Variants in TMEM255B observed in about 807,000 individuals in gnomAD.
TMEM255B encodes the protein transmembrane protein 255B.
A neutral mutation model predicts 34.5 loss-of-function variants in TMEM255B; 35 were observed. That is an observed-to-expected ratio of 1.01 (90% CI 0.77 to 1.34). The LOEUF is 1.34. TMEM255B is among the 40% of genes most tolerant of loss of function. TMEM255B has a pLI of 0.00. For synonymous variants in TMEM255B, 206 were observed against 201.2 expected (o/e 1.02, Z -0.20); for missense variants, 432 against 433.2 (o/e 1.00, Z 0.02).
At chr13:113,786,428 G>A (rs936291598) in intron 3 of TMEM255B, among the ~76,000 whole-genome samples, 4 of 150,728 alleles carry the variant, frequency 2.7e-5, no homozygotes, top group Admixed American at 1.3e-4. Context: ...CATCACCCTC[G>A]TCACCATCAT....
In TMEM255B at chr13:113,811,760, C is replaced by G; in HGVS notation, c.838C>G (p.Pro280Ala). 1 of 1,613,832 alleles carries G rather than the reference C, an allele frequency of 6.2e-7. No homozygotes were observed. Among genetic ancestry groups the G allele is most frequent in the Admixed American group, 1.7e-5 (1 of 60,002 alleles). The change falls in exon 9 of 9, where the codon CCC (proline) becomes GCC (alanine). Residue 280 changes from proline to alanine, a missense_variant. Physicochemically the swap from Pro to Ala is conservative, Grantham distance 27 (BLOSUM62 -1). Coordinates refer to ENST00000375353, the MANE Select transcript of TMEM255B (RefSeq NM_182614.4). ...LQPCSRFPVAPSSALASSEDL... is the reference protein window; with the variant it reads ...LQPCSRFPVAASSALASSEDL... ...GCCCTGCAGCCGCTTCCCAGTTGCG[C>G]CCTCCTCTGCCCTGGCTTCGTCTGA...
rs2011118069 is a variant in TMEM255B at position 113,816,731 on chromosome 13, A to ACACGCGC, written c.*4832_*4838dup. The ACACGCGC allele has an allele frequency of 6.6e-6, 1 of 152,220 alleles. No homozygotes were observed. 9.4% of individuals were successfully genotyped at this position (152,220 alleles called of 1,614,324 possible). ...CCCGTCAGCAGATCCTCAGACGGCG[A>ACACGCGC]CACGCGCCACTTCCTTTTCTGTTTC... On this transcript the variant is annotated 3_prime_UTR_variant, in exon 9 of 9. Coordinates refer to ENST00000375353, the MANE Select transcript of TMEM255B (RefSeq NM_182614.4).
chr13:113,769,294 C>T lies in TMEM255B; in HGVS notation c.252+134C>T, dbSNP rs758638152. On this transcript the variant is annotated intron_variant, in intron 3 of 8. Transcript: ENST00000375353. The surrounding 1 kb of genome is among the most constrained non-coding windows in gnomAD (Gnocchi z 4.2). Reference sequence around the variant, plus strand: ...TCTACAGGACCAGCTCTGAGGTTCCCGGGCTGTGGCCTGCACAGTCCTGGA... The same window carrying T: ...TCTACAGGACCAGCTCTGAGGTTCCTGGGCTGTGGCCTGCACAGTCCTGGA... The T allele has an allele frequency of 1.1e-5, 10 of 943,802 alleles. No homozygotes were observed. Among genetic ancestry groups the T allele is most frequent in the African/African-American group, 6.5e-5 (4 of 61,994 alleles). 58.5% of individuals were successfully genotyped at this position (943,802 alleles called of 1,614,324 possible).
chr13:113,798,085 A>G (rs2050972348), intron 4 of TMEM255B, among the ~76,000 whole-genome samples: 1 of 152,204 alleles, frequency 6.6e-6, no homozygotes, highest in Non-Finnish European at 1.5e-5. Flanking sequence ...GGATGGATGG[A>G]TAGAAGGATG....
chr13:113,797,322 G>A (rs1365045027), intron 4 of TMEM255B, among the ~76,000 whole-genome samples: 2 of 152,240 alleles, frequency 1.3e-5, no homozygotes, highest in Admixed American at 1.3e-4. Context: ...GCACTGCCTC[G>A]TGTGCTGCTG....
Position 113,770,762 on chromosome 13 carries a change from G to A in TMEM255B, c.252+1602G>A, listed in dbSNP as rs936454003. 1.3e-5 allele frequency among the ~76,000 whole-genome samples: 2 copies of A among 152,126 alleles called. No homozygotes were observed. Among genetic ancestry groups the A allele is most frequent in the Non-Finnish European group, 2.9e-5 (2 of 68,012 alleles). On this transcript the variant is annotated intron_variant, in intron 3 of 8. Transcript: ENST00000375353. The surrounding 1 kb of genome is among the most constrained non-coding windows in gnomAD (Gnocchi z 4.6). ...TCACAGAATGGTGTTGGAAACAGAC[G>A]CCACCTTTGGGAGCCAGCATGCCCC...
chr13:113,801,050 G>T lies in TMEM255B; in HGVS notation c.509+138G>T, dbSNP rs112938215. The T allele has an allele frequency of 1.2e-4, 41 of 343,328 alleles. 1 individual carries two copies. The highest frequency in any genetic ancestry group is 8.0e-4 in the African/African-American group (34 of 42,464). The allele number at this position is 343,328 out of a possible 1,614,324, so 21.3% of individuals were successfully genotyped here. The stretch of plus-strand genomic sequence containing the variant: ...ACCTGAGGGAGGTGAGGGGCGCTGG[G>T]AACCCCCGTATGTGCCTGCAGGGGT... On this transcript the variant is annotated intron_variant, in intron 6 of 8. Coordinates refer to ENST00000375353, the MANE Select transcript of TMEM255B (RefSeq NM_182614.4).
intron 3 of TMEM255B, among the ~76,000 whole-genome samples, chr13:113,791,736 T>A (rs1444834273): frequency 6.6e-6 from 1 of 152,230 alleles, no homozygotes; most frequent in Admixed American, 6.5e-5. Flanking sequence ...AGCTTTAAAG[T>A]GATTTTCTTC....
At chr13:113,762,477 T>G (rs555190280) in intron 1 of TMEM255B, among the ~76,000 whole-genome samples, 2 of 152,332 alleles carry the variant, frequency 1.3e-5, no homozygotes, top group African/African-American at 4.8e-5. Context: ...GGGTGGCTCA[T>G]ACCTTCTGCT....
intron 7 of TMEM255B, among the ~76,000 whole-genome samples, chr13:113,804,500 C>T (rs2051127161): frequency 6.6e-6 from 1 of 152,210 alleles, no homozygotes; most frequent in East Asian, 1.9e-4. Context: ...AGCGGTCACC[C>T]AGTGTGACTA....
intron 3 of TMEM255B, among the ~76,000 whole-genome samples, chr13:113,772,453 G>A (rs570489491): frequency 2.6e-5 from 4 of 152,268 alleles, no homozygotes; most frequent in African/African-American, 9.6e-5. Context: ...TTCTAGAAGA[G>A]TTTTGTAGTT....
chr13:113,759,588 C>T (rs575367876), intron 1 of TMEM255B, among the ~76,000 whole-genome samples: 4 of 152,328 alleles, frequency 2.6e-5, no homozygotes, highest in South Asian at 2.1e-4. Context: ...CTGTCTCTGC[C>T]TCCTCAGTCT....
Position 113,811,911 on chromosome 13 carries a change from G to C in TMEM255B, c.*8G>C. The stretch of plus-strand genomic sequence containing the variant: ...CCCCCCTACGCACCCTGATAGAGGC[G>C]TGGAGTAAAAGATAACTTGTTTGTT... On this transcript the variant is annotated 3_prime_UTR_variant, in exon 9 of 9. Coordinates refer to ENST00000375353, the MANE Select transcript of TMEM255B (RefSeq NM_182614.4). 6.4e-7 allele frequency: 1 copy of C among 1,571,082 alleles called. No individual in the cohort carries two copies. The highest frequency in any genetic ancestry group is 8.6e-7 in the Non-Finnish European group (1 of 1,164,248).
At chr13:113,776,026 G>C (rs1430887331) in intron 3 of TMEM255B, among the ~76,000 whole-genome samples, 2 of 152,184 alleles carry the variant, frequency 1.3e-5, no homozygotes, top group African/African-American at 2.4e-5. Context: ...GCCCCTCCTG[G>C]ACCGTGGTGG....
chr13:113,785,510 A>G (rs530858732), intron 3 of TMEM255B, among the ~76,000 whole-genome samples: 42 of 152,352 alleles, frequency 2.8e-4, no homozygotes, highest in African/African-American at 8.7e-4. Flanking sequence ...ATGCATGAGC[A>G]AAGAGAGGTC....
At position 113,814,898 on chromosome 13, in the gene TMEM255B, G is replaced by A. The variant is rs1423773392; in HGVS notation, c.*2995G>A. On this transcript the variant is annotated 3_prime_UTR_variant, in exon 9 of 9. Transcript: ENST00000375353. ...GGTTTGGGGGTGCTGTGGCCCCGGG[G>A]CAGGGGGTGCTGGGGGGTTTGGGGT... 2 of 148,926 alleles carry A rather than the reference G, an allele frequency of 1.3e-5. No individual in the cohort carries two copies. The highest frequency in any genetic ancestry group is 5.0e-5 in the African/African-American group (2 of 40,312). The allele number at this position is 148,926 out of a possible 1,614,324, so 9.2% of individuals were successfully genotyped here. A position where few individuals can be genotyped will look rare whatever the true frequency, so the allele number is the denominator to read the frequency against.
chr13:113,769,368 C>G lies in TMEM255B; in HGVS notation c.252+208C>G, dbSNP rs2050441728. Among the ~76,000 whole-genome samples the G allele has an allele frequency of 6.6e-6, 1 of 152,176 alleles. No individual in the cohort carries two copies. ...CACACCTTAGTCTAAGCGAGCATGGCCCTGGGTTGCTGGTGTATCAACCTC... is the reference window on the plus strand; with the variant it reads ...CACACCTTAGTCTAAGCGAGCATGGGCCTGGGTTGCTGGTGTATCAACCTC... On this transcript the variant is annotated intron_variant, in intron 3 of 8. Coordinates refer to ENST00000375353, the MANE Select transcript of TMEM255B (RefSeq NM_182614.4). The surrounding 1 kb of genome is among the most constrained non-coding windows in gnomAD (Gnocchi z 4.2).
At chr13:113,803,649 C>CATGAGGAGG (rs2051106678) in intron 7 of TMEM255B, among the ~76,000 whole-genome samples, 1 of 152,078 alleles carries the variant, frequency 6.6e-6, no homozygotes, top group African/African-American at 2.4e-5. Flanking sequence ...TCCTGCCCCT[C>CATGAGGAGG]CCTCACGGAG....
chr13:113,811,971 C>T lies in TMEM255B; in HGVS notation c.*68C>T. 6.6e-7 allele frequency: 1 copy of T among 1,515,748 alleles called. No homozygotes were observed. The highest frequency in any genetic ancestry group is 8.8e-7 in the Non-Finnish European group (1 of 1,132,062). 93.9% of individuals were successfully genotyped at this position (1,515,748 alleles called of 1,614,324 possible). A position where few individuals can be genotyped will look rare whatever the true frequency, so the allele number is the denominator to read the frequency against. On this transcript the variant is annotated 3_prime_UTR_variant, in exon 9 of 9. Coordinates refer to ENST00000375353, the MANE Select transcript of TMEM255B (RefSeq NM_182614.4). ...AAAAAAAAGGCAGCCTCTAGAAATC[C>T]CGCTTCTGTGGCCAACCTCCTAGAG...
Sources: allele counts gnomAD v4.1 joint callset (sites outside exome capture counted in the v4.1 genomes callset), GRCh38; gene constraint gnomAD v4.1.1; non-coding constraint Gnocchi (gnomAD v3.1); transcripts MANE v1.5; gene names NCBI Gene and HGNC (gene_info 2026-07-23, HGNC 2026-07-21).